NFASC: variants seen among roughly 807,000 people sequenced by gnomAD.
NFASC encodes neurofascin.
In NFASC, 43 loss-of-function variants were observed where a neutral mutation model predicts 147.5. The ratio of observed to expected loss-of-function variants is 0.29; its 90% CI spans 0.23 to 0.38. The LOEUF is 0.38. Ranked by LOEUF, NFASC falls within the 10% of genes least tolerant of loss-of-function variation. NFASC has a pLI of 1.00. For synonymous variants in NFASC, 622 were observed against 665.5 expected, an observed-to-expected ratio of 0.93 and a Z score of 1.01; for missense variants, 1,320 against 1,689.0, an observed-to-expected ratio of 0.78 and a Z score of 3.83.
Position 204,954,726 on chromosome 1 carries a change from GCCC to G in NFASC, c.413-101_413-99del. The G allele has an allele frequency of 7.4e-7, 1 of 1,345,914 alleles. No homozygotes were observed. Among genetic ancestry groups the G allele is most frequent in the East Asian group, 2.3e-5 (1 of 43,356 alleles). 83.4% of individuals were successfully genotyped at this position (1,345,914 alleles called of 1,614,324 possible). A position where few individuals can be genotyped will look rare whatever the true frequency, so the allele number is the denominator to read the frequency against. On this transcript the variant is annotated intron_variant, in intron 6 of 29. Transcript: ENST00000339876. The surrounding 1 kb of genome is among the most constrained non-coding windows in gnomAD (Gnocchi z 5.7). ...TCTCTTGCTCCCTCCTTCTCCAGGT[GCCC>G]CTTCTGTTTCTCCTCCTTGCATGCC... is the stretch of plus-strand genomic sequence containing the variant.
intron 23 of NFASC, chr1:204,989,161 C>G (rs773900585): frequency 8.2e-5 from 24 of 291,700 alleles, no homozygotes; most frequent in Non-Finnish European, 1.5e-4. Flanking sequence ...GTGTTCACCT[C>G]TTGAGGGAGG....
intron 2 of NFASC, among the ~76,000 whole-genome samples, chr1:204,930,953 G>C (rs2092315863): frequency 6.6e-6 from 1 of 152,242 alleles, no homozygotes; most frequent in East Asian, 1.9e-4. Flanking sequence ...GCTCTGAGAA[G>C]GCAGATTTTA....
At position 204,952,032 on chromosome 1, in the gene NFASC, C is replaced by G; in HGVS notation, c.131C>G (p.Thr44Ser). ...GCAGTGACGCAGCCGCCAACCATCACCAAGCAGTCAGCGAAGGATCACATC... is the reference window on the plus strand; with the variant it reads ...GCAGTGACGCAGCCGCCAACCATCAGCAAGCAGTCAGCGAAGGATCACATC... ...QNELTQPPTI[T>S]KQSAKDHIVD... The change falls in exon 5 of 30, where the codon ACC becomes AGC. Residue 44 changes from threonine to serine, a missense_variant. This residue lies in a region of NFASC where 981 missense variants were observed against 1,289.5 expected (regional missense o/e 0.76). Transcript: ENST00000339876. 6.2e-7 allele frequency: 1 copy of G among 1,614,092 alleles called. No individual in the cohort carries two copies. The highest frequency in any genetic ancestry group is 8.5e-7 in the Non-Finnish European group (1 of 1,180,002).
rs150455977 is a variant in NFASC, at chr1:204,893,326, G to A, written c.-199-27306G>A. On this transcript the variant is annotated intron_variant, in intron 1 of 29. Transcript: ENST00000339876. ...GAACAGCTGAAAATATAGATTTAAT[G>A]GTGGGAGAGATGCTTGGACATGAGA... Among the ~76,000 whole-genome samples, 83 of 152,294 alleles carry A rather than the reference G, an allele frequency of 5.4e-4. No homozygotes were observed. The East Asian group carries it at 0.013, about 24-fold the overall frequency.
intron 2 of NFASC, among the ~76,000 whole-genome samples, chr1:204,935,096 G>A (rs894519448): frequency 4.6e-5 from 7 of 152,152 alleles, no homozygotes; most frequent in African/African-American, 1.7e-4. Flanking sequence ...CACTTAGGAC[G>A]AGGACCTAAT....
intron 1 of NFASC, among the ~76,000 whole-genome samples, chr1:204,873,336 G>A (rs1055236888): frequency 2.0e-5 from 3 of 152,190 alleles, no homozygotes; most frequent in African/African-American, 7.2e-5. Context: ...AGTAAGAACA[G>A]GGAGCAACCA....
In NFASC at chr1:204,991,358, GAGCCC is replaced by G; in HGVS notation, c.2782+62_2782+66del. On this transcript the variant is annotated intron_variant, in intron 24 of 29. Transcript: ENST00000339876. ...GGCATGGCATGGGGCAGCGCAGGCG[GAGCCC>G]AGCCCAGCCAGGGCGGACAAGGAGG... 3.1e-6 allele frequency: 5 copies of G among 1,595,102 alleles called. No homozygotes were observed. The Middle Eastern group carries it at 5.0e-4, about 158-fold the overall frequency.
intron 14 of NFASC, 84 bp downstream of exon 14, chr1:204,974,907 G>C (rs2095361945): frequency 1.4e-6 from 2 of 1,401,394 alleles, no homozygotes; most frequent in Non-Finnish European, 2.0e-6. Context: ...TATTCACATT[G>C]AAAATGCACC....
In NFASC at chr1:204,965,059, G is replaced by T. The variant is rs114425060; in HGVS notation, c.707-3190G>T. On this transcript the variant is annotated intron_variant, in intron 8 of 29. Coordinates refer to ENST00000339876, the MANE Select transcript of NFASC (RefSeq NM_001005388.3). ...GCAGGAGAGGACTGACTGTCCCTGG[G>T]CAAGAAGTCAAATGAGCTGGCGAGG... Among the ~76,000 whole-genome samples the T allele has an allele frequency of 6.0e-3, 919 of 152,302 alleles. 9 individuals are homozygous for T. The highest frequency in any genetic ancestry group is 0.02 in the African/African-American group (827 of 41,566).
At chr1:204,946,994 T>G in intron 3 of NFASC, 1 of 354,256 alleles carries the variant, frequency 2.8e-6, no homozygotes, top group Non-Finnish European at 5.6e-6. Context: ...GGGGCACCTG[T>G]CTCATAAGGT....
chr1:204,940,266 A>C (rs1175558908), intron 2 of NFASC, among the ~76,000 whole-genome samples: 1 of 152,188 alleles, frequency 6.6e-6, no homozygotes, highest in African/African-American at 2.4e-5. Flanking sequence ...CAGCCTGGGC[A>C]ACATGGTCAA....
chr1:204,836,489 A>G (rs1243362319), intron 1 of NFASC, among the ~76,000 whole-genome samples: 1 of 152,188 alleles, frequency 6.6e-6, no homozygotes, highest in African/African-American at 2.4e-5. Context: ...CCAGAGTTTT[A>G]TTTGGGGGCA....
rs987842064 is a variant in NFASC at position 204,979,800 on chromosome 1, C to T, written c.2176+241C>T. Among the ~76,000 whole-genome samples the T allele has an allele frequency of 6.6e-6, 1 of 152,246 alleles. No homozygotes were observed. The highest frequency in any genetic ancestry group is 1.5e-5 in the Non-Finnish European group (1 of 68,042). On this transcript the variant is annotated intron_variant, in intron 19 of 29. Coordinates refer to ENST00000339876, the MANE Select transcript of NFASC (RefSeq NM_001005388.3). This position sits in a 1 kb window ranked among gnomAD's most constrained non-coding sequence, Gnocchi z 6.0. ...GTAGTGAGCACATGATAAATGCTAA[C>T]TTCCATTTTTATTATTAGTAATTCT...
chr1:204,951,882 C>T (rs2094148379), intron 4 of NFASC, 129 bp from the exon 5 acceptor site: 4 of 656,744 alleles, frequency 6.1e-6, no homozygotes, highest in Non-Finnish European at 1.1e-5. Context: ...CTGTTCACCG[C>T]CCCCCACACC....
chr1:204,966,391 C>A (rs2094952369), intron 8 of NFASC, among the ~76,000 whole-genome samples: 1 of 152,128 alleles, frequency 6.6e-6, no homozygotes, highest in Non-Finnish European at 1.5e-5. Flanking sequence ...TTAGCTGGGA[C>A]CTACCTCTTC....
At chr1:204,902,133 C>G (rs2084770200) in intron 1 of NFASC, among the ~76,000 whole-genome samples, 1 of 152,050 alleles carries the variant, frequency 6.6e-6, no homozygotes, top group Non-Finnish European at 1.5e-5. Context: ...GTCTCTACAA[C>G]AAGTTTTAAA....
intron 1 of NFASC, among the ~76,000 whole-genome samples, chr1:204,913,310 A>G (rs1388840540): frequency 6.6e-6 from 1 of 152,168 alleles, no homozygotes; most frequent in Non-Finnish European, 1.5e-5. Context: ...TAAAAATATC[A>G]TTTGATTTTC....
intron 28 of NFASC, chr1:205,009,931 A>G: frequency 1.8e-6 from 1 of 542,500 alleles, no homozygotes; most frequent in Non-Finnish European, 3.3e-6. Context: ...GATGGAAGGA[A>G]CCCTGGCTCC....
At position 204,896,134 on chromosome 1, in the gene NFASC, G is replaced by A. The variant is rs140668798; in HGVS notation, c.-199-24498G>A. ...ATCTGGAGGAGAGGAAGTGGGGTGC[G>A]GTAATCAGAAAAGCTGAATGCAGAG... On this transcript the variant is annotated intron_variant, in intron 1 of 29. Transcript: ENST00000339876. Among the ~76,000 whole-genome samples the A allele has an allele frequency of 2.7e-3, 418 of 152,302 alleles. 4 individuals are homozygous for A. Among genetic ancestry groups the A allele is most frequent in the South Asian group, 0.025 (121 of 4,808 alleles).
Sources: gnomAD v4.1 joint callset for allele counts (sites outside exome capture counted in the v4.1 genomes callset) on GRCh38, gnomAD v4.1.1 for gene constraint, gnomAD v4.1.1 regional missense constraint, Gnocchi (gnomAD v3.1) non-coding constraint, MANE v1.5 for transcripts, NCBI Gene and HGNC (gene_info 2026-07-23, HGNC 2026-07-21) for gene names.